RAB27A: variants seen among roughly 807,000 people sequenced by gnomAD.
The protein encoded by RAB27A is RAB27A, member RAS oncogene family.
A neutral mutation model predicts 20.8 loss-of-function variants in RAB27A; 17 were observed. The ratio of observed to expected loss-of-function variants is 0.82; its 90% CI spans 0.56 to 1.23. RAB27A has a LOEUF of 1.23. RAB27A is among the 50% of genes most tolerant of loss of function. RAB27A has a pLI of 0.00. For missense variants in RAB27A, 277 were observed against 266.7 expected, an observed-to-expected ratio of 1.04 and a Z score of -0.27; for synonymous variants, 85 against 92.8, an observed-to-expected ratio of 0.92 and a Z score of 0.48.
intron 5 of RAB27A, among the ~76,000 whole-genome samples, chr15:55,224,314 C>T (rs1895711975): frequency 6.6e-6 from 1 of 152,232 alleles, no homozygotes; most frequent in Admixed American, 6.5e-5. Context: ...CACACACATA[C>T]AAAACACCTT....
rs1894518444 is a variant in RAB27A at position 55,203,902 on chromosome 15, A to C, written c.*1605T>G. 1 of 152,136 alleles carries C rather than the reference A, an allele frequency of 6.6e-6. No individual in the cohort carries two copies. Among genetic ancestry groups the C allele is most frequent in the African/African-American group, 2.4e-5 (1 of 41,434 alleles). 9.4% of individuals were successfully genotyped at this position (152,136 alleles called of 1,614,324 possible). A position where few individuals can be genotyped will look rare whatever the true frequency, so the allele number is the denominator to read the frequency against. Reference sequence around the variant, plus strand: ...GTAGTGGAAGGACAGTGGAAAAAAAAATAGGTTTTTTCATGATACTTTTAT... The same window carrying C: ...GTAGTGGAAGGACAGTGGAAAAAAACATAGGTTTTTTCATGATACTTTTAT... On this transcript the variant is annotated 3_prime_UTR_variant, in exon 7 of 7. Transcript: ENST00000336787.
intron 6 of RAB27A, among the ~76,000 whole-genome samples, chr15:55,222,601 A>T (rs1595686260): frequency 6.6e-6 from 1 of 152,064 alleles, no homozygotes; most frequent in Non-Finnish European, 1.5e-5. Context: ...GCTTCTTCCT[A>T]CCTGGCCAAC....
At chr15:55,256,478 A>G (rs1414441686) in intron 2 of RAB27A, among the ~76,000 whole-genome samples, 1 of 152,220 alleles carries the variant, frequency 6.6e-6, no homozygotes, top group Non-Finnish European at 1.5e-5. Flanking sequence ...ACCTGAGCTG[A>G]GCACCTTCTT....
chr15:55,216,076 C>G (rs1327939479), intron 6 of RAB27A, among the ~76,000 whole-genome samples: 1 of 151,890 alleles, frequency 6.6e-6, no homozygotes, highest in Non-Finnish European at 1.5e-5. Flanking sequence ...GCTGCTTCAT[C>G]TGTAATACCA....
At chr15:55,265,018 G>A (rs1039375042) in intron 2 of RAB27A, among the ~76,000 whole-genome samples, 3 of 152,094 alleles carry the variant, frequency 2.0e-5, no homozygotes, top group Non-Finnish European at 4.4e-5. Flanking sequence ...CGAGGTGGGC[G>A]GATCACCTGG....
chr15:55,263,363 G>A (rs532184254), intron 2 of RAB27A, among the ~76,000 whole-genome samples: 5 of 147,150 alleles, frequency 3.4e-5, no homozygotes, highest in Admixed American at 1.4e-4. Flanking sequence ...TATATAAGTC[G>A]CTCCCGTCTT....
At chr15:55,247,339 C>T (rs1248987199) in intron 2 of RAB27A, among the ~76,000 whole-genome samples, 3 of 151,710 alleles carry the variant, frequency 2.0e-5, no homozygotes, top group Admixed American at 6.6e-5. Flanking sequence ...CACTGCTACC[C>T]CAGCCAGGAC....
At chr15:55,278,906 G>A (rs1897945463) in intron 1 of RAB27A, among the ~76,000 whole-genome samples, 1 of 152,012 alleles carries the variant, frequency 6.6e-6, no homozygotes, top group African/African-American at 2.4e-5. Flanking sequence ...GAAAAATAAG[G>A]GCTTGTATCA....
chr15:55,246,866 G>C (rs1896706710), intron 2 of RAB27A, among the ~76,000 whole-genome samples: 1 of 151,914 alleles, frequency 6.6e-6, no homozygotes, highest in African/African-American at 2.4e-5. Context: ...CTCCCACTGA[G>C]TGGTTGCTTT....
intron 1 of RAB27A, among the ~76,000 whole-genome samples, chr15:55,314,786 C>T (rs1488189509): frequency 1.3e-5 from 2 of 152,198 alleles, no homozygotes; most frequent in Admixed American, 6.5e-5. Context: ...AATGGAAAAA[C>T]ATTCCATGCT....
chr15:55,220,333 T>C (rs28405550), intron 6 of RAB27A, among the ~76,000 whole-genome samples: 19,155 of 152,228 alleles, frequency 0.13, 1,489 homozygotes, highest in African/African-American at 0.21. Flanking sequence ...AATGGTGCGA[T>C]CTTGGCTCAC....
chr15:55,313,758 G>A (rs2055030852), intron 2 of RAB27A, among the ~76,000 whole-genome samples: 1 of 151,990 alleles, frequency 6.6e-6, no homozygotes, highest in South Asian at 2.1e-4. Context: ...CGGATCACGA[G>A]GTCAGGAGAT....
At chr15:55,317,264 G>A (rs953071493) in intron 1 of RAB27A, 1 of 153,146 alleles carries the variant, frequency 6.5e-6, no homozygotes, top group Non-Finnish European at 1.5e-5. Context: ...ATAATTAAAT[G>A]GAACTTTAAG....
Position 55,306,148 on chromosome 15 carries a change from T to C in RAB27A, c.-112+7891A>G, listed in dbSNP as rs1376958442. On this transcript the variant is annotated intron_variant, in intron 2 of 5. Transcript: ENST00000563262. ...ACCCACCTGATGCATTGGGAGTTGG[T>C]TGTGTCTATCGTATTGCTAAATTTT... 3.3e-5 allele frequency among the ~76,000 whole-genome samples: 5 copies of C among 152,228 alleles called. No individual in the cohort carries two copies. The East Asian group carries it at 7.7e-4, about 23-fold the overall frequency.
chr15:55,260,530 A>C (rs1897236007), intron 2 of RAB27A, among the ~76,000 whole-genome samples: 2 of 152,260 alleles, frequency 1.3e-5, no homozygotes, highest in Non-Finnish European at 1.5e-5. Flanking sequence ...AGAACTCAGA[A>C]GCAACAAGAT....
At chr15:55,259,687 A>G (rs1295362713) in intron 2 of RAB27A, among the ~76,000 whole-genome samples, 2 of 152,248 alleles carry the variant, frequency 1.3e-5, no homozygotes, top group African/African-American at 2.4e-5. Context: ...AATTCAAGGT[A>G]TATGTAGGGA....
intron 2 of RAB27A, chr15:55,237,374 G>C (rs1000859983): frequency 2.6e-5 from 4 of 152,206 alleles, no homozygotes; most frequent in African/African-American, 7.2e-5. Context: ...TGTTTCCTCA[G>C]AGTGCTTCAG....
At chr15:55,311,339 GA>G (rs2055019804) in intron 2 of RAB27A, among the ~76,000 whole-genome samples, 1 of 152,170 alleles carries the variant, frequency 6.6e-6, no homozygotes, top group Non-Finnish European at 1.5e-5. Context: ...TGAGAGAGAA[GA>G]AGGTACACGC....
intron 6 of RAB27A, among the ~76,000 whole-genome samples, chr15:55,211,907 T>A (rs1034211810): frequency 1.3e-5 from 2 of 151,838 alleles, no homozygotes; most frequent in Non-Finnish European, 2.9e-5. Context: ...ACTGGGTAAA[T>A]TCAAATTTTG....
Sources: allele counts gnomAD v4.1 joint callset (sites outside exome capture counted in the v4.1 genomes callset), GRCh38; gene constraint gnomAD v4.1.1; transcripts MANE v1.5; gene names NCBI Gene and HGNC (gene_info 2026-07-23, HGNC 2026-07-21).